The following SS18L1 variants were observed in gnomAD, a reference collection of about 807,000 sequenced individuals.
The protein encoded by SS18L1 is SS18L1 subunit of BAF chromatin remodeling complex, also known as calcium-responsive transactivator.
SS18L1 carries 32 observed loss-of-function variants against 70.3 expected under a neutral mutation model. The ratio of observed to expected loss-of-function variants is 0.46; its 90% confidence interval spans 0.34 to 0.61. The LOEUF (loss-of-function observed/expected upper bound fraction) is 0.61, where lower values mean the gene tolerates loss of function less well. Ranked by LOEUF, SS18L1 falls within the 20% of genes least tolerant of loss-of-function variation. SS18L1 has a pLI of 0.01. For synonymous variants in SS18L1, 237 were observed against 229.7 expected (o/e 1.03, Z -0.29); for missense variants, 430 against 542.1 (o/e 0.79, Z 2.05).
rs141581930 is a variant in SS18L1 at position 62,172,722 on chromosome 20, G to A, written c.957G>A (p.Gln319=). The change falls in exon 9 of 11, where the codon CAG becomes CAA. Residue 319 remains glutamine (Q), a synonymous_variant. Transcript: ENST00000331758. ...QYSQQQAGYQ[Q]GAAQQQTYSQ... ...GCCAGCAGCAGGCCGGGTACCAGCA[G>A]GGTGCCGCGCAGCAGCAGACGTACT... The A allele has an allele frequency of 1.0e-4, 164 of 1,614,128 alleles. No homozygotes were observed. In the African/African-American group the frequency reaches 2.0e-3, roughly 20 times the overall value.
Position 62,159,941 on chromosome 20 carries a change from A to G in SS18L1, c.211A>G (p.Met71Val), listed in dbSNP as rs2057294482. 6.2e-7 allele frequency: 1 copy of G among 1,612,152 alleles called. No homozygotes were observed. The highest frequency in any genetic ancestry group is 8.5e-7 in the Non-Finnish European group (1 of 1,179,806). Residue 71 changes from methionine to valine, a missense_variant, in exon 3 of 11, where the codon ATG becomes GTG. By Grantham distance (21) the Met-to-Val change is conservative. Transcript: ENST00000331758. This position sits in a 1 kb window ranked among gnomAD's most constrained non-coding sequence, Gnocchi z 4.4. ...LATIADSNQN[M>V]QSLLPAPPTQ... ...CACGATCGCAGACTCCAACCAGAAC[A>G]TGCAGTCCCTGCTTCCTGCCGTGAG...
chr20:62,164,882 G>C (rs1483039050), intron 7 of SS18L1, among the ~76,000 whole-genome samples: 1 of 152,210 alleles, frequency 6.6e-6, no homozygotes, highest in Non-Finnish European at 1.5e-5. Flanking sequence ...TGACAGAGCA[G>C]GATCCTGTCT....
At chr20:62,177,534 G>C (rs2057641706) in intron 10 of SS18L1, among the ~76,000 whole-genome samples, 1 of 151,606 alleles carries the variant, frequency 6.6e-6, no homozygotes, top group African/African-American at 2.4e-5. Flanking sequence ...GGGGCATTCG[G>C]GAAATCTGAT....
chr20:62,172,172 A>G (rs1265829746), intron 8 of SS18L1, among the ~76,000 whole-genome samples: 1 of 151,878 alleles, frequency 6.6e-6, no homozygotes, highest in East Asian at 1.9e-4. Flanking sequence ...TCAAAAAAAA[A>G]AAAAAATTAT....
intron 1 of SS18L1, among the ~76,000 whole-genome samples, chr20:62,149,001 C>T (rs1182353050): frequency 2.0e-5 from 3 of 152,222 alleles, no homozygotes; most frequent in Admixed American, 6.5e-5. Flanking sequence ...GCTCGCTAGC[C>T]GGCGGTCCTG....
At chr20:62,170,176 C>G (rs902332254) in intron 8 of SS18L1, among the ~76,000 whole-genome samples, 6 of 152,234 alleles carry the variant, frequency 3.9e-5, no homozygotes, top group African/African-American at 1.4e-4. Context: ...CCGGCACCTT[C>G]TCACGGGCAC....
intron 1 of SS18L1, among the ~76,000 whole-genome samples, chr20:62,144,220 G>A (rs1003634744): frequency 6.6e-6 from 1 of 151,634 alleles, no homozygotes; most frequent in Non-Finnish European, 1.5e-5. Flanking sequence ...AGTCCGCGGC[G>A]CGCGCTGGGA....
chr20:62,144,928 A>G (rs1468334150), intron 1 of SS18L1, among the ~76,000 whole-genome samples: 2 of 152,210 alleles, frequency 1.3e-5, no homozygotes, highest in East Asian at 1.9e-4. Context: ...TTGTCTCCCT[A>G]AGGGGGTTCA....
intron 8 of SS18L1, among the ~76,000 whole-genome samples, chr20:62,167,338 C>T (rs146684129): frequency 0.05 from 7,566 of 150,030 alleles, 613 homozygotes; most frequent in African/African-American, 0.17. Flanking sequence ...CCACCGCGCC[C>T]GGCCGAGCTC....
At chr20:62,144,087 G>A (rs915122586) in intron 1 of SS18L1, among the ~76,000 whole-genome samples, 198 bp downstream of exon 1, 1 of 149,838 alleles carries the variant, frequency 6.7e-6, no homozygotes, top group Non-Finnish European at 1.5e-5. Flanking sequence ...CCGTGTGGGG[G>A]GCGGTCCCCG....
intron 8 of SS18L1, among the ~76,000 whole-genome samples, chr20:62,169,908 C>G (rs1002157383): frequency 1.3e-5 from 2 of 152,256 alleles, no homozygotes; most frequent in South Asian, 4.1e-4. Context: ...TTCTCAGGCC[C>G]TCGCCAGGTG....
chr20:62,178,564 A>G (rs945802971), intron 10 of SS18L1, among the ~76,000 whole-genome samples: 1 of 151,640 alleles, frequency 6.6e-6, no homozygotes, highest in African/African-American at 2.4e-5. Context: ...CCAAATTCAG[A>G]TTTGTTTTTG....
At position 62,161,379 on chromosome 20, in the gene SS18L1, G is replaced by A; in HGVS notation, c.232-57G>A. 1 of 1,611,878 alleles carries A rather than the reference G, an allele frequency of 6.2e-7. No homozygotes were observed. The highest frequency in any genetic ancestry group is 1.7e-5 in the Admixed American group (1 of 59,956). On this transcript the variant is annotated intron_variant, in intron 3 of 10. Transcript: ENST00000331758. This position sits in a 1 kb window ranked among gnomAD's most constrained non-coding sequence, Gnocchi z 4.4. ...CCCTCTCATCCCTGGCCTGGCTTGT[G>A]GAGGTCGCTCTCCGTAAATTAACCG...
intron 10 of SS18L1, chr20:62,175,144 G>A (rs976737608): frequency 1.2e-5 from 10 of 828,748 alleles, no homozygotes; most frequent in East Asian, 1.2e-4. Context: ...AAGACACAGC[G>A]GGGAGTGGCT....
chr20:62,165,302 G>A lies in SS18L1; in HGVS notation c.824-120G>A, dbSNP rs945741111. ...CATGGTTTTGGGGAACACGGGTCCT[G>A]CCGGCTCTTGTTGCCTCCCTGGCCA... On this transcript the variant is annotated intron_variant, in intron 7 of 10. Transcript: ENST00000331758. The A allele has an allele frequency of 4.4e-5, 42 of 945,080 alleles. No homozygotes were observed. The African/African-American group carries it at 4.9e-4, about 11-fold the overall frequency. The allele number at this position is 945,080 out of a possible 1,614,324, so 58.5% of individuals were successfully genotyped here.
intron 1 of SS18L1, chr20:62,154,326 A>G: frequency 9.6e-7 from 1 of 1,045,862 alleles, no homozygotes; most frequent in East Asian, 5.5e-5. Context: ...TGGTTTGGGT[A>G]CAAGGTGCGT....
rs372407575 is a variant in SS18L1 at position 62,163,484 on chromosome 20, A to G, written c.583A>G (p.Thr195Ala). Residue 195 changes from threonine to alanine, a missense_variant, in exon 6 of 11, where the codon ACG becomes GCG. By Grantham distance (58) the Thr-to-Ala change is moderately conservative. Transcript: ENST00000331758. ...PVSMMQQQAA[T>A]SHYSSAQGGS... ...CTCCATGATGCAGCAGCAGGCGGCC[A>G]CGTCGCACTACAGCTCGGCGCAGGG... The G allele has an allele frequency of 2.5e-6, 4 of 1,612,182 alleles. No individual in the cohort carries two copies. In the African/African-American group the frequency reaches 5.3e-5, roughly 22 times the overall value.
chr20:62,172,338 A>G lies in SS18L1; in HGVS notation c.917-344A>G, dbSNP rs568179915. On this transcript the variant is annotated intron_variant, in intron 8 of 10. Coordinates refer to ENST00000331758, the MANE Select transcript of SS18L1 (RefSeq NM_198935.3). ...CGAGGCCCTGTCTCTGAAAAAAAAA[A>G]AAAAAATTATATCTGCAAAGACCCT... is the stretch of plus-strand genomic sequence containing the variant. Among the ~76,000 whole-genome samples, 8 of 152,116 alleles carry G rather than the reference A, an allele frequency of 5.3e-5. No homozygotes were observed. The East Asian group carries it at 1.5e-3, about 29-fold the overall frequency.
intron 3 of SS18L1, among the ~76,000 whole-genome samples, chr20:62,160,315 GGAGAGGTGGA>G (rs1278729541): frequency 1.1e-5 from 1 of 90,580 alleles, no homozygotes; most frequent in Non-Finnish European, 2.1e-5. Context: ...GGTGGGGTGG[GGAGAGGTGGA>G]GAGAGGTGGG....
Sources: allele counts gnomAD v4.1 joint callset (sites outside exome capture counted in the v4.1 genomes callset), GRCh38; gene constraint gnomAD v4.1.1; non-coding constraint Gnocchi (gnomAD v3.1); transcripts MANE v1.5; gene names NCBI Gene and HGNC (gene_info 2026-07-23, HGNC 2026-07-21).